KCNMA1: variants seen among roughly 807,000 people sequenced by gnomAD.
The protein encoded by KCNMA1 is Calcium-activated potassium channel subunit alpha-1.
A neutral mutation model predicts 140.0 loss-of-function variants in KCNMA1; 29 were observed. The ratio of observed to expected loss-of-function variants is 0.21; its 90% CI spans 0.15 to 0.28. The LOEUF is 0.28. Among genes scored for constraint, KCNMA1 ranks in the 10% least tolerant of loss-of-function variants. The pLI, the probability that KCNMA1 is intolerant of heterozygous loss-of-function variation, is 1.00. For synonymous variants in KCNMA1, 612 were observed against 611.9 expected, an observed-to-expected ratio of 1.00 and a Z score of 0.00; for missense variants, 880 against 1,602.2, an observed-to-expected ratio of 0.55 and a Z score of 7.70.
intron 2 of KCNMA1, among the ~76,000 whole-genome samples, chr10:77,352,649 TTTG>T (rs2093031903): frequency 1.4e-5 from 2 of 138,058 alleles, no homozygotes; most frequent in Non-Finnish European, 3.4e-5. Context: ...TGTGTGTGTG[TTTG>T]TGTGTGTGTG....
At chr10:77,571,614 C>T (rs2071372915) in intron 1 of KCNMA1, among the ~76,000 whole-genome samples, 1 of 152,286 alleles carries the variant, frequency 6.6e-6, no homozygotes, top group Admixed American at 6.5e-5. Context: ...TGTCTGTCCC[C>T]TAGGGATATA....
At chr10:77,207,050 GT>G (rs764063398) in intron 3 of KCNMA1, among the ~76,000 whole-genome samples, 2 of 152,094 alleles carry the variant, frequency 1.3e-5, no homozygotes, top group Non-Finnish European at 2.9e-5. Flanking sequence ...CTGGAAAGAT[GT>G]TTGACATCTA....
intron 23 of KCNMA1, among the ~76,000 whole-genome samples, chr10:76,938,397 G>A (rs1312122885): frequency 6.6e-6 from 1 of 152,136 alleles, no homozygotes; most frequent in Non-Finnish European, 1.5e-5. Flanking sequence ...AGACTGTTTT[G>A]CATGTACAGT....
intron 2 of KCNMA1, among the ~76,000 whole-genome samples, chr10:77,348,835 G>A (rs568988268): frequency 2.0e-5 from 3 of 152,226 alleles, no homozygotes; most frequent in South Asian, 2.1e-4. Flanking sequence ...AGGATAGGCC[G>A]CCACTGTTCT....
intron 2 of KCNMA1, among the ~76,000 whole-genome samples, chr10:77,349,003 T>G (rs1429782766): frequency 6.6e-6 from 1 of 152,206 alleles, no homozygotes; most frequent in Non-Finnish European, 1.5e-5. Context: ...ATTATAAAGA[T>G]TGTATTGGAC....
intron 1 of KCNMA1, among the ~76,000 whole-genome samples, chr10:77,506,375 A>C (rs1235395238): frequency 6.6e-6 from 1 of 152,150 alleles, no homozygotes; most frequent in Non-Finnish European, 1.5e-5. Flanking sequence ...GATCATTCTA[A>C]TATCAAAAGA....
At chr10:77,267,674 CCT>C (rs1379696040) in intron 2 of KCNMA1, among the ~76,000 whole-genome samples, 1 of 152,150 alleles carries the variant, frequency 6.6e-6, no homozygotes, top group African/African-American at 2.4e-5. Flanking sequence ...CCATAGCAAC[CCT>C]CTCTTTCTCT....
At chr10:77,319,576 T>C (rs1244016167) in intron 2 of KCNMA1, among the ~76,000 whole-genome samples, 2 of 152,216 alleles carry the variant, frequency 1.3e-5, no homozygotes, top group African/African-American at 4.8e-5. Context: ...ATTAAGGATA[T>C]TCACAAATAC....
chr10:77,053,462 G>A (rs750948852), intron 14 of KCNMA1, among the ~76,000 whole-genome samples: 10 of 152,304 alleles, frequency 6.6e-5, no homozygotes, highest in South Asian at 2.1e-4. Context: ...TGCCAGAGAC[G>A]CTGAAGGGGT....
intron 1 of KCNMA1, among the ~76,000 whole-genome samples, chr10:77,607,357 T>C (rs989419506): frequency 6.6e-6 from 1 of 152,148 alleles, no homozygotes; most frequent in Non-Finnish European, 1.5e-5. Context: ...AAAAATGGCA[T>C]TCATCTATAT....
intron 2 of KCNMA1, among the ~76,000 whole-genome samples, chr10:77,308,849 TC>T (rs2078515844): frequency 6.6e-6 from 1 of 152,124 alleles, no homozygotes; most frequent in South Asian, 2.1e-4. Flanking sequence ...TGAGAAAGAA[TC>T]CCAAATTAAC....
chr10:77,024,047 T>C (rs10450308), intron 16 of KCNMA1, among the ~76,000 whole-genome samples: 29,144 of 152,082 alleles, frequency 0.19, 4,117 homozygotes, highest in East Asian at 0.54. Flanking sequence ...TACAAAAAAA[T>C]ATTAGCCATA....
intron 5 of KCNMA1, among the ~76,000 whole-genome samples, chr10:77,143,955 ACC>A (rs1179763068): frequency 6.6e-6 from 1 of 152,180 alleles, no homozygotes; most frequent in African/African-American, 2.4e-5. Flanking sequence ...AGCAGCTGGC[ACC>A]CTCACACGTT....
At chr10:77,431,993 GA>G (rs144459194) in intron 1 of KCNMA1, among the ~76,000 whole-genome samples, 1,585 of 144,776 alleles carry the variant, frequency 0.011, 12 homozygotes, top group Non-Finnish European at 0.017. Flanking sequence ...CTCTATCTCT[GA>G]AAAAAAAAAA....
rs138408946 is a variant in KCNMA1 at position 77,592,224 on chromosome 10, A to G, written c.378+45041T>C. On this transcript the variant is annotated intron_variant, in intron 1 of 27. Coordinates refer to ENST00000286628, the MANE Select transcript of KCNMA1 (RefSeq NM_001161352.2). The stretch of plus-strand genomic sequence containing the variant: ...ACACACCAAAATATACAGACCGCCT[A>G]TGAAAATAACTAACCAGCACTCTTC... Among the ~76,000 whole-genome samples the G allele has an allele frequency of 2.0e-3, 309 of 152,356 alleles. 1 individual carries two copies. The highest frequency in any genetic ancestry group is 7.0e-3 in the African/African-American group (293 of 41,572).
chr10:77,487,490 C>A (rs2098474938), intron 1 of KCNMA1, among the ~76,000 whole-genome samples: 1 of 152,160 alleles, frequency 6.6e-6, no homozygotes, highest in Non-Finnish European at 1.5e-5. Context: ...CACTATCACA[C>A]TTGCCCTCAA....
Position 76,887,230 on chromosome 10 carries a change from A to T in KCNMA1, c.*36T>A. 6.2e-7 allele frequency: 1 copy of T among 1,613,880 alleles called. No homozygotes were observed. Among genetic ancestry groups the T allele is most frequent in the Non-Finnish European group, 8.5e-7 (1 of 1,179,968 alleles). On this transcript the variant is annotated 3_prime_UTR_variant, in exon 28 of 28. Transcript: ENST00000286628. ...AACACCAACTGGGGAAATGAGTGGC[A>T]GATACAGTTTCACACAGTGGCGGTG...
chr10:77,212,436 A>T (rs1158565587), intron 3 of KCNMA1, among the ~76,000 whole-genome samples: 1 of 152,088 alleles, frequency 6.6e-6, no homozygotes, highest in African/African-American at 2.4e-5. Context: ...AATATATACT[A>T]TGGACTACTA....
intron 1 of KCNMA1, among the ~76,000 whole-genome samples, chr10:77,425,805 C>G (rs984435981): frequency 6.6e-6 from 1 of 152,210 alleles, no homozygotes; most frequent in South Asian, 2.1e-4. Context: ...GGTGACACAT[C>G]CTGCTTAGGA....
Sources: gnomAD v4.1 joint callset for allele counts (sites outside exome capture counted in the v4.1 genomes callset) on GRCh38, gnomAD v4.1.1 for gene constraint, MANE v1.5 for transcripts, NCBI Gene and HGNC (gene_info 2026-07-23, HGNC 2026-07-21) for gene names.